DLG2: variants seen among roughly 807,000 people sequenced by gnomAD.
DLG2 encodes the protein discs large MAGUK scaffold protein 2, also known as disks large homolog 2.
A neutral mutation model predicts 132.5 loss-of-function variants in DLG2; 45 were observed. The observed-to-expected ratio is 0.34, with a 90% CI of 0.27 to 0.44. The LOEUF (loss-of-function observed/expected upper bound fraction) is 0.44. DLG2 is among the 20% of genes least tolerant of loss of function. The pLI is 1.00. For missense variants in DLG2, 1,045 were observed against 1,196.9 expected, an observed-to-expected ratio of 0.87 and a Z score of 1.87; for synonymous variants, 424 against 419.6, an observed-to-expected ratio of 1.01 and a Z score of -0.13.
intron 6 of DLG2, among the ~76,000 whole-genome samples, chr11:84,753,272 G>A (rs550115818): frequency 2.8e-4 from 42 of 152,258 alleles, no homozygotes; most frequent in South Asian, 1.5e-3. Flanking sequence ...CTTTCTGGCC[G>A]TTGGATAAAG....
intron 7 of DLG2, among the ~76,000 whole-genome samples, chr11:84,397,885 T>C (rs547351196): frequency 6.6e-6 from 1 of 152,234 alleles, no homozygotes; most frequent in Non-Finnish European, 1.5e-5. Context: ...TGGTCTAGTT[T>C]AGGAGAAAAG....
rs181801616 is a variant in DLG2 at position 84,194,352 on chromosome 11, C to T, written c.574-30841G>A. On this transcript the variant is annotated intron_variant, in intron 8 of 27. Coordinates refer to ENST00000376104, the MANE Select transcript of DLG2 (RefSeq NM_001142699.3). ...GTTCAGATGTGCCCGGAGTTTCTTT[C>T]TTCTGGTGGGTTCATGGTTTTGCTG... 7.2e-5 allele frequency among the ~76,000 whole-genome samples: 11 copies of T among 152,232 alleles called. No individual in the cohort carries two copies. The East Asian group carries it at 1.9e-3, about 27-fold the overall frequency.
chr11:83,883,212 G>A (rs890461677), intron 15 of DLG2, among the ~76,000 whole-genome samples: 3 of 152,006 alleles, frequency 2.0e-5, no homozygotes, highest in African/African-American at 7.3e-5. Context: ...ATATGTGAGG[G>A]TCAAGATTTT....
intron 19 of DLG2, among the ~76,000 whole-genome samples, chr11:83,569,916 T>G (rs1291963822): frequency 1.3e-5 from 2 of 152,144 alleles, no homozygotes; most frequent in Non-Finnish European, 2.9e-5. Flanking sequence ...ACAGGACAGC[T>G]CCATGGGACT....
chr11:83,687,760 T>C (rs577153834), intron 18 of DLG2, among the ~76,000 whole-genome samples: 1 of 152,092 alleles, frequency 6.6e-6, no homozygotes, highest in Non-Finnish European at 1.5e-5. Context: ...AAGACAAATG[T>C]TCCAATGCTG....
intron 4 of DLG2, among the ~76,000 whole-genome samples, chr11:85,265,887 G>T (rs960547588): frequency 6.6e-6 from 1 of 152,146 alleles, no homozygotes; most frequent in Non-Finnish European, 1.5e-5. Context: ...CCTGTCTGCT[G>T]AAAGCTTCTC....
intron 18 of DLG2, among the ~76,000 whole-genome samples, chr11:83,753,614 T>TTGTTC (rs1168853058): frequency 6.8e-6 from 1 of 146,148 alleles, no homozygotes; most frequent in African/African-American, 2.5e-5. Flanking sequence ...GTCATCAATT[T>TTGTTC]AAAATATATA....
At chr11:84,311,921 TACA>T (rs759176833) in intron 7 of DLG2, among the ~76,000 whole-genome samples, 36 of 152,332 alleles carry the variant, frequency 2.4e-4, no homozygotes, top group Admixed American at 3.3e-4. Flanking sequence ...AACAAACACG[TACA>T]ACATTTTTAA....
chr11:85,017,782 C>T (rs1276640264), intron 6 of DLG2, among the ~76,000 whole-genome samples: 3 of 152,128 alleles, frequency 2.0e-5, no homozygotes, highest in Non-Finnish European at 4.4e-5. Context: ...CAAACACTTG[C>T]CCTTGAAGAA....
intron 6 of DLG2, among the ~76,000 whole-genome samples, chr11:84,995,055 G>C (rs919539609): frequency 7.2e-5 from 11 of 152,186 alleles, no homozygotes; most frequent in Admixed American, 2.6e-4. Context: ...CCATGTATTT[G>C]AGAAGAGGAG....
chr11:85,457,996 G>A (rs1161613354), intron 3 of DLG2, among the ~76,000 whole-genome samples: 1 of 152,138 alleles, frequency 6.6e-6, no homozygotes, highest in Non-Finnish European at 1.5e-5. Context: ...TGAGGTTGGG[G>A]AAGCTTTCAC....
chr11:83,464,326 T>C (rs180906923), intron 26 of DLG2, among the ~76,000 whole-genome samples: 4 of 152,334 alleles, frequency 2.6e-5, no homozygotes, highest in Non-Finnish European at 1.5e-5. Context: ...TGAGAAATAA[T>C]GTGTGTGATG....
At chr11:85,013,874 C>T (rs2059353505) in intron 6 of DLG2, among the ~76,000 whole-genome samples, 2 of 151,986 alleles carry the variant, frequency 1.3e-5, no homozygotes, top group South Asian at 4.2e-4. Context: ...TTTTAAGGTG[C>T]ATGCTATTAT....
intron 6 of DLG2, among the ~76,000 whole-genome samples, chr11:84,735,240 A>G (rs1414198978): frequency 6.6e-6 from 1 of 152,180 alleles, no homozygotes; most frequent in Non-Finnish European, 1.5e-5. Flanking sequence ...TACCTCTGGT[A>G]GAATTTGGCT....
intron 4 of DLG2, among the ~76,000 whole-genome samples, chr11:85,179,381 CAAAT>C (rs896341084): frequency 1.8e-4 from 28 of 151,732 alleles, no homozygotes; most frequent in South Asian, 6.2e-4. Flanking sequence ...AAATAGTGAG[CAAAT>C]AAATAAATAA....
At chr11:85,154,137 A>AAAG (rs2077441970) in intron 5 of DLG2, among the ~76,000 whole-genome samples, 1 of 120,240 alleles carries the variant, frequency 8.3e-6, no homozygotes, top group African/African-American at 3.8e-5. Context: ...CTTTTGGAGA[A>AAAG]AAAAAAAAAA....
chr11:85,208,981 A>G (rs2082077917), intron 4 of DLG2, among the ~76,000 whole-genome samples: 1 of 152,116 alleles, frequency 6.6e-6, no homozygotes, highest in African/African-American at 2.4e-5. Context: ...GCAATATGTA[A>G]GTCCTTTGCA....
chr11:84,941,916 T>C (rs2049488138), intron 6 of DLG2, among the ~76,000 whole-genome samples: 1 of 152,144 alleles, frequency 6.6e-6, no homozygotes, highest in Non-Finnish European at 1.5e-5. Flanking sequence ...GGCTACCATC[T>C]CATTACTTCT....
intron 20 of DLG2, among the ~76,000 whole-genome samples, chr11:83,537,945 T>C (rs1178453817): frequency 6.6e-6 from 1 of 151,498 alleles, no homozygotes; most frequent in Non-Finnish European, 1.5e-5. Flanking sequence ...CACACAAGCC[T>C]GGGTTTGAAT....
Sources: allele counts gnomAD v4.1 joint callset (sites outside exome capture counted in the v4.1 genomes callset), GRCh38; gene constraint gnomAD v4.1.1; transcripts MANE v1.5; gene names NCBI Gene and HGNC (gene_info 2026-07-23, HGNC 2026-07-21).